Variants in TP63 observed in about 807,000 individuals in gnomAD.
TP63 encodes the protein tumor protein 63.
TP63 carries 17 observed loss-of-function variants against 82.8 expected under a neutral mutation model. The observed-to-expected ratio is 0.21, with a 90% CI of 0.14 to 0.31. The LOEUF (loss-of-function observed/expected upper bound fraction) is 0.31, where lower values mean the gene tolerates loss of function less well. Ranked by LOEUF, TP63 falls within the 10% of genes least tolerant of loss-of-function variation. TP63 has a pLI of 1.00. For missense variants in TP63, 648 were observed against 895.3 expected (o/e 0.72, Z 3.52); for synonymous variants, 330 against 321.7 (o/e 1.03, Z -0.28).
At chr3:189,841,293 A>G (rs1714077112) in intron 4 of TP63, among the ~76,000 whole-genome samples, 1 of 152,254 alleles carries the variant, frequency 6.6e-6, no homozygotes. Context: ...AAGGGAATAC[A>G]GGTGACTTTC....
At chr3:189,653,463 ACAAT>A (rs1485686729) in intron 1 of TP63, among the ~76,000 whole-genome samples, 21 of 152,214 alleles carry the variant, frequency 1.4e-4, no homozygotes, top group African/African-American at 4.6e-4. Context: ...ACTCATGAGG[ACAAT>A]CAATCTTATT....
the TP63 span, among the ~76,000 whole-genome samples, chr3:189,599,518 C>T: frequency 6.6e-6 from 1 of 152,126 alleles, no homozygotes; most frequent in African/African-American, 2.4e-5. Flanking sequence ...TTCTTTCTTA[C>T]AAGAGTGGGA....
intron 3 of TP63, among the ~76,000 whole-genome samples, chr3:189,748,921 A>G (rs556221874): frequency 2.2e-4 from 34 of 152,288 alleles, no homozygotes; most frequent in Non-Finnish European, 4.9e-4. Context: ...CACAAATAAC[A>G]TACATTGGGG....
Position 189,808,348 on chromosome 3 carries a change from A to G in TP63, c.401A>G (p.Tyr134Cys), listed in dbSNP as rs1381645678. Residue 134 changes from tyrosine to cysteine, a missense_variant, in exon 4 of 14, where the codon TAT (tyrosine) becomes TGT (cysteine). Around this residue, in one of 5 missense-constraint regions of TP63, gnomAD observed 182 missense variants for 213.6 expected, o/e 0.85. Transcript: ENST00000264731. ...AACGGCTCCTCGTCCACCAGTCCCT[A>G]TAACACAGACCACGCGCAGAACAGC... Reference protein sequence around the residue: ...IQNGSSSTSPYNTDHAQNSVT... With the variant: ...IQNGSSSTSPCNTDHAQNSVT... The G allele has an allele frequency of 3.1e-6, 5 of 1,614,066 alleles. No homozygotes were observed. The highest frequency in any genetic ancestry group is 1.3e-5 in the African/African-American group (1 of 74,920).
intron 3 of TP63, among the ~76,000 whole-genome samples, chr3:189,741,335 A>G (rs1720971726): frequency 6.6e-6 from 1 of 152,220 alleles, no homozygotes; most frequent in Non-Finnish European, 1.5e-5. Context: ...GGAGTTGGAT[A>G]ACAAGAATGG....
At chr3:189,782,244 C>T (rs1446396786) in intron 3 of TP63, among the ~76,000 whole-genome samples, 1 of 152,136 alleles carries the variant, frequency 6.6e-6, no homozygotes, top group Non-Finnish European at 1.5e-5. Flanking sequence ...ATGCAGTGAA[C>T]TTGAGTGAAT....
chr3:189,689,834 G>T (rs891816662), intron 1 of TP63, among the ~76,000 whole-genome samples: 3 of 152,100 alleles, frequency 2.0e-5, no homozygotes, highest in Admixed American at 6.6e-5. Flanking sequence ...ATACTGAATG[G>T]TCCACTTGAA....
the TP63 span, among the ~76,000 whole-genome samples, chr3:189,616,594 G>A: frequency 4.6e-5 from 7 of 152,160 alleles, no homozygotes; most frequent in South Asian, 1.2e-3. Context: ...AGGGATATTC[G>A]GGTTACTGCT....
At chr3:189,609,514 C>T in the TP63 span, among the ~76,000 whole-genome samples, 1 of 151,960 alleles carries the variant, frequency 6.6e-6, no homozygotes, top group African/African-American at 2.4e-5. Flanking sequence ...GTTATCTTTT[C>T]TTATCCTCTC....
intron 1 of TP63, among the ~76,000 whole-genome samples, chr3:189,659,534 G>A (rs1363851244): frequency 6.6e-6 from 1 of 152,030 alleles, no homozygotes; most frequent in East Asian, 1.9e-4. Context: ...GCACATATGA[G>A]TGCATTTTTA....
In TP63 at chr3:189,631,544, C is replaced by T; in HGVS notation, c.29C>T (p.Thr10Ile). Residue 10 changes from threonine to isoleucine, a missense_variant, in exon 1 of 14, where the codon ACC becomes ATC. Physicochemically the swap from Thr to Ile is moderately conservative, Grantham distance 89. Coordinates refer to ENST00000264731, the MANE Select transcript of TP63 (RefSeq NM_003722.5). MNFETSRCATLQYCPDPYIQ... is the reference protein window; with the variant it reads MNFETSRCAILQYCPDPYIQ... ...AATTTTGAAACTTCACGGTGTGCCA[C>T]CCTACAGTACTGCCCTGACCCTTAC... is the stretch of plus-strand genomic sequence containing the variant. 1 of 1,612,938 alleles carries T rather than the reference C, an allele frequency of 6.2e-7. No individual in the cohort carries two copies. The highest frequency in any genetic ancestry group is 8.5e-7 in the Non-Finnish European group (1 of 1,179,144).
chr3:189,873,095 G>C (rs1718637053), intron 10 of TP63, 100 bp downstream of exon 10: 5 of 1,572,608 alleles, frequency 3.2e-6, no homozygotes, highest in Non-Finnish European at 3.5e-6. Flanking sequence ...CATAATGGGA[G>C]ATAGCAGATT....
At chr3:189,805,371 G>A (rs375583643) in intron 3 of TP63, among the ~76,000 whole-genome samples, 1 of 152,084 alleles carries the variant, frequency 6.6e-6, no homozygotes, top group African/African-American at 2.4e-5. Context: ...ATTTTCTGCT[G>A]CTCAGTTTAA....
At chr3:189,813,022 C>T (rs1304435985) in intron 4 of TP63, among the ~76,000 whole-genome samples, 1 of 152,166 alleles carries the variant, frequency 6.6e-6, no homozygotes, top group Admixed American at 6.5e-5. Context: ...GGCTCTGCTG[C>T]TTTCCGAAGC....
At chr3:189,866,638 T>G in intron 5 of TP63, 44 bp from the exon 6 acceptor site, 1 of 1,553,826 alleles carries the variant, frequency 6.4e-7, no homozygotes, top group Non-Finnish European at 8.9e-7. Context: ...TTTCTTTATT[T>G]TTAAGGTAAA....
chr3:189,887,672 A>G (rs1416986481), intron 11 of TP63, among the ~76,000 whole-genome samples: 1 of 152,188 alleles, frequency 6.6e-6, no homozygotes, highest in Non-Finnish European at 1.5e-5. Context: ...AAGACTGAAC[A>G]TTGCATGGGT....
rs576530590 is a variant in TP63, at chr3:189,765,433, C to CTTTTTTT, written c.324+26674_324+26680dup. Among the ~76,000 whole-genome samples the CTTTTTTT allele has an allele frequency of 3.9e-3, 116 of 30,090 alleles. 46 individuals carry two copies. The highest frequency in any genetic ancestry group is 9.8e-3 in the African/African-American group (79 of 8,064). The allele number at this position is 30,090 out of a possible 152,430, so 19.7% of individuals were successfully genotyped here. On this transcript the variant is annotated intron_variant, in intron 3 of 13. Coordinates refer to ENST00000264731, the MANE Select transcript of TP63 (RefSeq NM_003722.5). ...GGCTTTGTAAATATCCTGTCCTCTG[C>CTTTTTTT]TTTTTTTTTTTTTTTTTTTTTGAGA...
chr3:189,683,714 C>T (rs973043333), intron 1 of TP63, among the ~76,000 whole-genome samples: 1 of 152,184 alleles, frequency 6.6e-6, no homozygotes, highest in African/African-American at 2.4e-5. Flanking sequence ...GCTCTTTTGT[C>T]GGAAACTCGG....
chr3:189,746,988 G>GAA (rs564194351), intron 3 of TP63, among the ~76,000 whole-genome samples: 1 of 137,956 alleles, frequency 7.2e-6, no homozygotes, highest in African/African-American at 2.7e-5. Flanking sequence ...GATTTTAAGG[G>GAA]AAAAAAAAAA....
Sources: allele counts gnomAD v4.1 joint callset (sites outside exome capture counted in the v4.1 genomes callset), GRCh38; gene constraint gnomAD v4.1.1; regional missense constraint gnomAD v4.1.1; transcripts MANE v1.5; gene names NCBI Gene and HGNC (gene_info 2026-07-23, HGNC 2026-07-21).